ARSB: variants seen among roughly 807,000 people sequenced by gnomAD.
The protein encoded by ARSB is N-acetylgalactosamine-4-sulfatase.
Under a neutral mutation model 50.9 loss-of-function variants are expected in ARSB, and 41 were observed. That is an observed-to-expected ratio of 0.81 (90% CI 0.63 to 1.04). ARSB has a LOEUF of 1.04. Ranked by LOEUF, ARSB falls within the 50% of genes least tolerant of loss-of-function variation. ARSB has a pLI of 0.00. For synonymous variants in ARSB, 269 were observed against 284.8 expected (o/e 0.94, Z 0.56); for missense variants, 672 against 693.3 (o/e 0.97, Z 0.35).
At position 78,979,845 on chromosome 5, in the gene ARSB, A is replaced by G. The variant is rs528714517; in HGVS notation, c.312+5092T>C. Reference sequence around the variant, plus strand: ...AATATGCTGATACAAAAACTTGTACATGGATGTTCACAGCAGCATTATTCA... The same window carrying G: ...AATATGCTGATACAAAAACTTGTACGTGGATGTTCACAGCAGCATTATTCA... On this transcript the variant is annotated intron_variant, in intron 1 of 7. Transcript: ENST00000264914. Among the ~76,000 whole-genome samples the G allele has an allele frequency of 7.9e-5, 12 of 152,330 alleles. 1 individual carries two copies. The East Asian group carries it at 1.9e-3, about 24-fold the overall frequency.
At chr5:78,863,979 C>T (rs1274103885) in intron 5 of ARSB, among the ~76,000 whole-genome samples, 3 of 151,788 alleles carry the variant, frequency 2.0e-5, no homozygotes, top group Non-Finnish European at 4.4e-5. Flanking sequence ...CATACATTCT[C>T]TTTAAAAACC....
intron 5 of ARSB, among the ~76,000 whole-genome samples, chr5:78,849,675 G>T (rs1246340060): frequency 6.7e-6 from 1 of 148,578 alleles, no homozygotes; most frequent in East Asian, 1.9e-4. Flanking sequence ...TCACAATATT[G>T]ATTCTTCCTG....
At chr5:78,912,813 C>A (rs1749367377) in intron 4 of ARSB, among the ~76,000 whole-genome samples, 1 of 152,240 alleles carries the variant, frequency 6.6e-6, no homozygotes, top group Non-Finnish European at 1.5e-5. Flanking sequence ...ATTCACAATA[C>A]CTCTATCCAT....
chr5:78,793,389 T>C (rs2112634591), intron 6 of ARSB, among the ~76,000 whole-genome samples: 1 of 152,298 alleles, frequency 6.6e-6, no homozygotes, highest in South Asian at 2.1e-4. Flanking sequence ...ACACTTACCT[T>C]ACACATAGTG....
intron 3 of ARSB, among the ~76,000 whole-genome samples, chr5:78,960,527 A>C (rs1210768276): frequency 6.6e-6 from 1 of 152,144 alleles, no homozygotes; most frequent in Non-Finnish European, 1.5e-5. Context: ...ATAACATTAC[A>C]TTTGCTTCCA....
intron 5 of ARSB, among the ~76,000 whole-genome samples, chr5:78,854,715 T>A (rs1259370383): frequency 6.6e-6 from 1 of 152,218 alleles, no homozygotes; most frequent in African/African-American, 2.4e-5. Context: ...ATTATCATCT[T>A]TTTTCTTCCA....
intron 4 of ARSB, among the ~76,000 whole-genome samples, chr5:78,949,719 G>A (rs1751417053): frequency 6.6e-6 from 1 of 152,266 alleles, no homozygotes; most frequent in Non-Finnish European, 1.5e-5. Flanking sequence ...AGACCAGTCT[G>A]GCCAACATGG....
intron 4 of ARSB, among the ~76,000 whole-genome samples, chr5:78,900,848 G>C (rs895349806): frequency 1.3e-5 from 2 of 151,928 alleles, no homozygotes; most frequent in African/African-American, 4.8e-5. Context: ...GACCATCCTG[G>C]CTAACACAGT....
chr5:78,980,373 G>T (rs991069372), intron 1 of ARSB, among the ~76,000 whole-genome samples: 3 of 152,012 alleles, frequency 2.0e-5, no homozygotes, highest in Non-Finnish European at 4.4e-5. Context: ...CTTCATATAC[G>T]TTCCAATATG....
intron 6 of ARSB, among the ~76,000 whole-genome samples, chr5:78,820,019 G>C (rs767003810): frequency 2.6e-5 from 4 of 152,232 alleles, no homozygotes; most frequent in Non-Finnish European, 5.9e-5. Context: ...CCACCCTCAT[G>C]GATAGGATTA....
At chr5:78,934,046 C>G (rs958767446) in intron 4 of ARSB, among the ~76,000 whole-genome samples, 1 of 152,208 alleles carries the variant, frequency 6.6e-6, no homozygotes, top group East Asian at 1.9e-4. Flanking sequence ...GAGCCTTAAG[C>G]TGACAGCCAG....
intron 6 of ARSB, among the ~76,000 whole-genome samples, chr5:78,797,763 G>A (rs1395591672): frequency 6.6e-6 from 1 of 152,156 alleles, no homozygotes; most frequent in Non-Finnish European, 1.5e-5. Context: ...AATGTCCGAT[G>A]TGCACTGCCA....
chr5:78,788,168 G>C (rs1749146958), intron 6 of ARSB, among the ~76,000 whole-genome samples: 1 of 152,164 alleles, frequency 6.6e-6, no homozygotes, highest in Admixed American at 6.5e-5. Flanking sequence ...GTTTCCTTCT[G>C]AGCTGAAAGC....
At chr5:78,851,889 CT>C (rs1745813692) in intron 5 of ARSB, among the ~76,000 whole-genome samples, 1 of 151,854 alleles carries the variant, frequency 6.6e-6, no homozygotes, top group African/African-American at 2.4e-5. Context: ...CAACCCCTGC[CT>C]TTTTTTGTTT....
intron 5 of ARSB, among the ~76,000 whole-genome samples, chr5:78,861,998 C>G (rs1321767723): frequency 2.6e-5 from 4 of 152,090 alleles, no homozygotes; most frequent in South Asian, 2.1e-4. Context: ...CAAATCACAA[C>G]TGAACTCCCA....
At chr5:78,794,358 T>C (rs1330800408) in intron 6 of ARSB, among the ~76,000 whole-genome samples, 1 of 152,150 alleles carries the variant, frequency 6.6e-6, no homozygotes, top group Non-Finnish European at 1.5e-5. Context: ...TCAATAGTCT[T>C]CAAGTGCACA....
rs138393893 is a variant in ARSB, at chr5:78,793,179, A to G, written c.1214-11205T>C. 2.7e-3 allele frequency among the ~76,000 whole-genome samples: 416 copies of G among 152,296 alleles called. 4 individuals carry two copies. The highest frequency in any genetic ancestry group is 9.4e-3 in the African/African-American group (392 of 41,564). ...CACTTATGATGGTCTTTGCACAGCT[A>G]TTGCCCTAGGACAGTCCCACACAGG... On this transcript the variant is annotated intron_variant, in intron 6 of 7. Coordinates refer to ENST00000264914, the MANE Select transcript of ARSB (RefSeq NM_000046.5).
At chr5:78,807,819 C>T (rs573173522) in intron 6 of ARSB, among the ~76,000 whole-genome samples, 8 of 152,202 alleles carry the variant, frequency 5.3e-5, no homozygotes, top group East Asian at 3.9e-4. Context: ...ATAGGCCGGG[C>T]GCGGTGGCTC....
In ARSB at chr5:78,837,945, G is replaced by T. The variant is rs187105514; in HGVS notation, c.1213+1411C>A. Among the ~76,000 whole-genome samples the T allele has an allele frequency of 2.5e-3, 381 of 152,242 alleles. 1 individual carries two copies. Among genetic ancestry groups the T allele is most frequent in the African/African-American group, 8.9e-3 (369 of 41,546 alleles). On this transcript the variant is annotated intron_variant, in intron 6 of 7. Transcript: ENST00000264914. Reference sequence around the variant, plus strand: ...ATTTCTCCACGATGTAGCCATTCTCGCCTGTCTCAGGGCCCTTTCCTGTCC... The same window carrying T: ...ATTTCTCCACGATGTAGCCATTCTCTCCTGTCTCAGGGCCCTTTCCTGTCC...
Sources: gnomAD v4.1 joint callset for allele counts (sites outside exome capture counted in the v4.1 genomes callset) on GRCh38, gnomAD v4.1.1 for gene constraint, MANE v1.5 for transcripts, NCBI Gene and HGNC (gene_info 2026-07-23, HGNC 2026-07-21) for gene names.